Variants in GRIK4 observed in about 807,000 individuals in gnomAD.
The protein encoded by GRIK4 is glutamate receptor ionotropic, kainate 4.
GRIK4 carries 40 observed loss-of-function variants against 104.9 expected under a neutral mutation model. The observed-to-expected ratio is 0.38, with a 90% CI of 0.30 to 0.50. The LOEUF (loss-of-function observed/expected upper bound fraction) is 0.50. Ranked by LOEUF, GRIK4 falls within the 20% of genes least tolerant of loss-of-function variation. The probability of loss-of-function intolerance (pLI) is 0.93; values close to 1 mark genes in which losing one functional copy is unlikely to be tolerated. For synonymous variants in GRIK4, 485 were observed against 524.9 expected, an observed-to-expected ratio of 0.92 and a Z score of 1.04; for missense variants, 1,047 against 1,308.1, an observed-to-expected ratio of 0.80 and a Z score of 3.08.
chr11:120,639,372 C>G (rs1027260717), intron 1 of GRIK4, among the ~76,000 whole-genome samples: 7 of 152,120 alleles, frequency 4.6e-5, no homozygotes, highest in Admixed American at 4.6e-4. Flanking sequence ...ATGGGAGAAT[C>G]CCCGGGGCCT....
intron 1 of GRIK4, among the ~76,000 whole-genome samples, chr11:120,595,052 C>T (rs1320806542): frequency 6.6e-6 from 1 of 152,230 alleles, no homozygotes; most frequent in Non-Finnish European, 1.5e-5. Context: ...AGTTGCCATC[C>T]TCCTCTTCAA....
At chr11:120,820,069 A>C in intron 6 of GRIK4, 149 bp downstream of exon 6, 1 of 669,912 alleles carries the variant, frequency 1.5e-6, no homozygotes, top group Non-Finnish European at 2.6e-6. Flanking sequence ...GGGCATTCCC[A>C]TGCTCATGTG....
chr11:120,637,189 G>C (rs188534610), intron 1 of GRIK4, among the ~76,000 whole-genome samples: 3 of 152,148 alleles, frequency 2.0e-5, no homozygotes, highest in Admixed American at 6.5e-5. Flanking sequence ...GACGCCAGGT[G>C]GGGGTGGGGA....
chr11:120,889,855 T>C (rs1340186175), intron 11 of GRIK4, among the ~76,000 whole-genome samples: 2 of 152,152 alleles, frequency 1.3e-5, no homozygotes, highest in African/African-American at 4.8e-5. Flanking sequence ...CCGCCTGCCT[T>C]GGCCTACCAA....
At chr11:120,901,263 T>C (rs554835531) in intron 12 of GRIK4, among the ~76,000 whole-genome samples, 30 of 152,062 alleles carry the variant, frequency 2.0e-4, no homozygotes, top group African/African-American at 6.8e-4. Flanking sequence ...CACCTCGCCT[T>C]CTCCTCCCCA....
At chr11:120,736,005 G>A (rs910825078) in intron 3 of GRIK4, among the ~76,000 whole-genome samples, 22 of 152,256 alleles carry the variant, frequency 1.4e-4, no homozygotes, top group African/African-American at 5.1e-4. Flanking sequence ...GGGATCCCAA[G>A]AGCCTGTTTG....
intron 13 of GRIK4, among the ~76,000 whole-genome samples, chr11:120,912,397 G>A (rs1592072520): frequency 1.3e-5 from 2 of 152,258 alleles, no homozygotes; most frequent in East Asian, 3.9e-4. Context: ...GATATGAGTA[G>A]GGAAGGAATC....
At position 120,986,107 on chromosome 11, in the gene GRIK4, G is replaced by T. The variant is rs754815567; in HGVS notation, c.2718G>T (p.Ala906=). 5 of 1,513,488 alleles carry T rather than the reference G, an allele frequency of 3.3e-6. No homozygotes were observed. Among genetic ancestry groups the T allele is most frequent in the African/African-American group, 1.4e-5 (1 of 69,360 alleles). 93.8% of individuals were successfully genotyped at this position (1,513,488 alleles called of 1,614,324 possible). A position where few individuals can be genotyped will look rare whatever the true frequency, so the allele number is the denominator to read the frequency against. ...CCGACCAGCTCGCGCAGAGACTGGC[G>T]CAGGAGGCCGCCCTGGTGGCCCGCG... The part of the protein sequence containing the change: ...GEPDQLAQRL[A]QEAALVARGC... The change falls in exon 21 of 21, where the codon GCG becomes GCT. Residue 906 remains alanine (A), a synonymous_variant. Transcript: ENST00000527524.
chr11:120,752,191 A>G (rs1031234302), intron 3 of GRIK4, among the ~76,000 whole-genome samples: 2 of 152,208 alleles, frequency 1.3e-5, no homozygotes, highest in African/African-American at 4.8e-5. Flanking sequence ...GGCCTGCCCA[A>G]GTCTGTCAGC....
At chr11:120,601,562 A>T (rs1948887207) in intron 1 of GRIK4, among the ~76,000 whole-genome samples, 1 of 148,594 alleles carries the variant, frequency 6.7e-6, no homozygotes, top group African/African-American at 2.5e-5. Flanking sequence ...CGCAAAATTG[A>T]GGAGGGGAGG....
intron 18 of GRIK4, among the ~76,000 whole-genome samples, chr11:120,964,625 A>C (rs1289004353): frequency 2.4e-4 from 37 of 152,208 alleles, no homozygotes; most frequent in Non-Finnish European, 4.3e-4. Context: ...CAAAGTTTTC[A>C]TGGAACAAAA....
At chr11:120,980,861 G>A (rs147791362) in intron 19 of GRIK4, among the ~76,000 whole-genome samples, 8 of 151,526 alleles carry the variant, frequency 5.3e-5, no homozygotes, top group African/African-American at 1.9e-4. Flanking sequence ...AAAAACAAAA[G>A]TCAGACATCC....
intron 1 of GRIK4, among the ~76,000 whole-genome samples, chr11:120,579,937 A>T (rs1367776566): frequency 6.6e-6 from 1 of 152,066 alleles, no homozygotes. Context: ...GCGACCACTG[A>T]TCGTGTTCAG....
At chr11:120,660,616 G>C (rs1264485676) in intron 3 of GRIK4, among the ~76,000 whole-genome samples, 1 of 152,216 alleles carries the variant, frequency 6.6e-6, no homozygotes, top group East Asian at 1.9e-4. Context: ...CCGGCCACTA[G>C]AATAAAGATG....
At chr11:120,671,241 A>C (rs1950012315) in intron 3 of GRIK4, among the ~76,000 whole-genome samples, 1 of 152,138 alleles carries the variant, frequency 6.6e-6, no homozygotes, top group Non-Finnish European at 1.5e-5. Flanking sequence ...CTGGGTCAAA[A>C]GGTATTTCTA....
chr11:120,628,091 C>T (rs755982460), intron 1 of GRIK4, among the ~76,000 whole-genome samples: 2 of 152,148 alleles, frequency 1.3e-5, no homozygotes, highest in African/African-American at 2.4e-5. Context: ...CAGCCTGTGC[C>T]GGGGTGCTAA....
intron 3 of GRIK4, among the ~76,000 whole-genome samples, chr11:120,726,063 A>G (rs1951023030): frequency 1.3e-5 from 2 of 152,220 alleles, no homozygotes; most frequent in Non-Finnish European, 2.9e-5. Context: ...GTGTTACAAA[A>G]ACCTAGCAGA....
intron 1 of GRIK4, among the ~76,000 whole-genome samples, chr11:120,650,940 CA>C (rs1311220280): frequency 6.6e-6 from 1 of 152,158 alleles, no homozygotes; most frequent in Non-Finnish European, 1.5e-5. Context: ...CACCTTACAG[CA>C]GAGGAAATGG....
At chr11:120,518,720 G>C (rs1168900370) in intron 1 of GRIK4, among the ~76,000 whole-genome samples, 1 of 152,196 alleles carries the variant, frequency 6.6e-6, no homozygotes, top group Admixed American at 6.5e-5. Flanking sequence ...CCAGGTTCAA[G>C]TGATTCTCCT....
Sources: allele counts gnomAD v4.1 joint callset (sites outside exome capture counted in the v4.1 genomes callset), GRCh38; gene constraint gnomAD v4.1.1; transcripts MANE v1.5; gene names NCBI Gene and HGNC (gene_info 2026-07-23, HGNC 2026-07-21).